Variants in OPCML observed in about 807,000 individuals in gnomAD.
OPCML encodes opioid-binding protein/cell adhesion molecule.
In OPCML, 13 loss-of-function variants were observed where a neutral mutation model predicts 37.8. The observed-to-expected ratio is 0.34, with a 90% CI of 0.22 to 0.55. OPCML has a LOEUF of 0.55. Among genes scored for constraint, OPCML ranks in the 20% least tolerant of loss-of-function variants. The probability of loss-of-function intolerance (pLI) is 0.91; values close to 1 mark genes in which losing one functional copy is unlikely to be tolerated. For synonymous variants in OPCML, 176 were observed against 168.8 expected (o/e 1.04, Z -0.33); for missense variants, 341 against 435.6 (o/e 0.78, Z 1.93).
intron 4 of OPCML, among the ~76,000 whole-genome samples, chr11:132,448,458 G>A (rs955859102): frequency 1.3e-5 from 2 of 152,200 alleles, no homozygotes; most frequent in African/African-American, 4.8e-5. Context: ...CGAGGAGATA[G>A]CATTGCTCAT....
intron 1 of OPCML, among the ~76,000 whole-genome samples, chr11:133,476,700 C>T (rs1947247621): frequency 6.6e-6 from 1 of 152,144 alleles, no homozygotes; most frequent in Admixed American, 6.5e-5. Context: ...CAGACTTTGT[C>T]CTGGTGATGA....
intron 1 of OPCML, among the ~76,000 whole-genome samples, chr11:133,481,529 A>T (rs766400024): frequency 6.6e-6 from 1 of 152,236 alleles, no homozygotes; most frequent in Non-Finnish European, 1.5e-5. Context: ...AATAAAATGT[A>T]TTCAGGCCAT....
At chr11:133,025,494 G>T (rs747157333) in intron 1 of OPCML, 2 of 984,838 alleles carry the variant, frequency 2.0e-6, no homozygotes, top group South Asian at 4.7e-5. Flanking sequence ...CTAGTCAGTC[G>T]GCTCTCTCAG....
At chr11:132,527,085 G>A (rs1400086392) in intron 4 of OPCML, among the ~76,000 whole-genome samples, 1 of 152,120 alleles carries the variant, frequency 6.6e-6, no homozygotes, top group African/African-American at 2.4e-5. Flanking sequence ...TAATTGCTGA[G>A]TAGCAATCTG....
At chr11:132,512,452 C>A (rs1266463115) in intron 4 of OPCML, among the ~76,000 whole-genome samples, 1 of 151,822 alleles carries the variant, frequency 6.6e-6, no homozygotes, top group Non-Finnish European at 1.5e-5. Context: ...TAGAAACAAC[C>A]AAATGTCCAC....
At chr11:132,989,621 G>A (rs1946739612) in intron 1 of OPCML, among the ~76,000 whole-genome samples, 1 of 135,142 alleles carries the variant, frequency 7.4e-6, no homozygotes, top group Admixed American at 8.3e-5. Flanking sequence ...GTGTGTGTGT[G>A]TGTGTGTGTG....
intron 2 of OPCML, among the ~76,000 whole-genome samples, chr11:132,786,917 G>A (rs947955385): frequency 1.3e-5 from 2 of 152,180 alleles, no homozygotes; most frequent in African/African-American, 4.8e-5. Context: ...CGTCTGGAGT[G>A]AGAGCAAGCG....
At chr11:133,053,784 G>A (rs142096084) in intron 1 of OPCML, among the ~76,000 whole-genome samples, 1 of 152,196 alleles carries the variant, frequency 6.6e-6, no homozygotes, top group African/African-American at 2.4e-5. Context: ...TCGTGCCCAG[G>A]AAAACCACTC....
At chr11:132,764,204 G>A (rs564717709) in intron 2 of OPCML, among the ~76,000 whole-genome samples, 20 of 152,236 alleles carry the variant, frequency 1.3e-4, no homozygotes, top group Admixed American at 2.0e-4. Flanking sequence ...TTTGAAATAA[G>A]GAGTTAGCAC....
chr11:132,782,487 C>T (rs1947065615), intron 2 of OPCML, among the ~76,000 whole-genome samples: 2 of 152,216 alleles, frequency 1.3e-5, no homozygotes, highest in African/African-American at 4.8e-5. Context: ...CAAAAAAATG[C>T]TAATTCTGGA....
chr11:133,116,173 T>C (rs1048194766), intron 1 of OPCML, among the ~76,000 whole-genome samples: 2 of 152,164 alleles, frequency 1.3e-5, no homozygotes, highest in Non-Finnish European at 2.9e-5. Flanking sequence ...TTCACCCTCT[T>C]GGCCAGTCTG....
chr11:132,930,110 T>C (rs1428918073), intron 2 of OPCML, among the ~76,000 whole-genome samples: 1 of 152,082 alleles, frequency 6.6e-6, no homozygotes, highest in East Asian at 1.9e-4. Flanking sequence ...ACACCTATAA[T>C]CCCAGTACTA....
chr11:133,139,695 G>A (rs1413391082), intron 1 of OPCML, among the ~76,000 whole-genome samples: 1 of 152,168 alleles, frequency 6.6e-6, no homozygotes, highest in Non-Finnish European at 1.5e-5. Context: ...TATCACCTTT[G>A]TTGGGCCATG....
At chr11:132,524,930 C>T (rs567796921) in intron 4 of OPCML, among the ~76,000 whole-genome samples, 1 of 152,182 alleles carries the variant, frequency 6.6e-6, no homozygotes, top group East Asian at 1.9e-4. Context: ...AAAGGGGTTC[C>T]CCAGAAACAT....
intron 3 of OPCML, among the ~76,000 whole-genome samples, chr11:132,561,542 C>CA (rs1011153314): frequency 1.6e-4 from 25 of 152,302 alleles, no homozygotes; most frequent in African/African-American, 6.0e-4. Context: ...GGGCCTGGGA[C>CA]AAGAGGCCCT....
At chr11:132,735,609 G>A (rs749546970) in intron 2 of OPCML, among the ~76,000 whole-genome samples, 37 of 151,900 alleles carry the variant, frequency 2.4e-4, no homozygotes, top group Admixed American at 1.6e-3. Context: ...TCAGCCTCCC[G>A]AGTAGCTGGG....
intron 2 of OPCML, among the ~76,000 whole-genome samples, chr11:132,819,071 G>A (rs1164655235): frequency 6.7e-6 from 1 of 150,098 alleles, no homozygotes; most frequent in Non-Finnish European, 1.5e-5. Flanking sequence ...TGCTATGTAT[G>A]GATTATCAGT....
At chr11:132,618,289 C>A (rs1939162286) in intron 3 of OPCML, among the ~76,000 whole-genome samples, 1 of 152,098 alleles carries the variant, frequency 6.6e-6, no homozygotes, top group African/African-American at 2.4e-5. Context: ...ATACCAAATT[C>A]TTTTCAACAT....
chr11:133,309,979 G>A (rs767323951), intron 1 of OPCML, among the ~76,000 whole-genome samples: 21 of 152,214 alleles, frequency 1.4e-4, no homozygotes, highest in Middle Eastern at 3.4e-3. Context: ...AAATGAGGCC[G>A]TTTGATAAAT....
Sources: gnomAD v4.1 joint callset for allele counts (sites outside exome capture counted in the v4.1 genomes callset) on GRCh38, gnomAD v4.1.1 for gene constraint, MANE v1.5 for transcripts, NCBI Gene and HGNC (gene_info 2026-07-23, HGNC 2026-07-21) for gene names.